The following ZNF676 variants were observed in gnomAD, a reference collection of about 807,000 sequenced individuals.
ZNF676 encodes zinc finger protein 676.
ZNF676 carries 4 observed loss-of-function variants against 6.0 expected under a neutral mutation model. That is an observed-to-expected ratio of 0.67 (90% CI 0.33 to 1.53). The LOEUF is 1.53. Among genes scored for constraint, ZNF676 ranks in the 40% most tolerant of loss-of-function variants. The pLI is 0.06. For synonymous variants in ZNF676, 198 were observed against 223.1 expected (o/e 0.89, Z 1.00); for missense variants, 644 against 679.7 (o/e 0.95, Z 0.58).
intron 1 of ZNF676, among the ~76,000 whole-genome samples, chr19:22,211,419 G>A (rs541490276): frequency 6.6e-6 from 1 of 152,230 alleles, no homozygotes; most frequent in East Asian, 1.9e-4. Flanking sequence ...TTAATTACAT[G>A]TCAGAGTCAT....
chr19:22,210,453 C>T (rs2024117463), intron 1 of ZNF676, among the ~76,000 whole-genome samples: 1 of 151,836 alleles, frequency 6.6e-6, no homozygotes, highest in African/African-American at 2.4e-5. Context: ...ACTCACAGAA[C>T]TCAGCAGAAC....
chr19:22,189,963 C>A (rs146662751), intron 2 of ZNF676, among the ~76,000 whole-genome samples: 1 of 152,042 alleles, frequency 6.6e-6, no homozygotes, highest in Admixed American at 6.6e-5. Context: ...GACAATGTGG[C>A]GATTCCTCAA....
chr19:22,242,474 GC>G, the ZNF676 span, among the ~76,000 whole-genome samples: 1 of 151,946 alleles, frequency 6.6e-6, no homozygotes, highest in Admixed American at 6.6e-5. Context: ...ACATCACAAG[GC>G]CTCCTGTGGA....
At chr19:22,204,184 A>T (rs1163090263) in intron 1 of ZNF676, among the ~76,000 whole-genome samples, 3 of 152,126 alleles carry the variant, frequency 2.0e-5, no homozygotes, top group African/African-American at 7.2e-5. Flanking sequence ...CCTACCTATA[A>T]TTTTTCCTAT....
chr19:22,211,045 A>C (rs1311423353), intron 1 of ZNF676, among the ~76,000 whole-genome samples: 2 of 151,438 alleles, frequency 1.3e-5, no homozygotes, highest in Admixed American at 1.3e-4. Context: ...TATAATCCTT[A>C]AAGATCTTAT....
the ZNF676 span, among the ~76,000 whole-genome samples, chr19:22,239,347 T>A: frequency 6.6e-6 from 1 of 151,858 alleles, no homozygotes; most frequent in South Asian, 2.1e-4. Context: ...GGCTAATTTT[T>A]TTTTGTATTT....
At chr19:22,199,104 C>T (rs1233391648), upstream of ZNF676, among the ~76,000 whole-genome samples, 2 of 151,768 alleles carry the variant, frequency 1.3e-5, no homozygotes, top group Admixed American at 1.3e-4. Context: ...GCTGATAACC[C>T]CTTAACTAAG....
the ZNF676 span, among the ~76,000 whole-genome samples, chr19:22,259,325 C>T: frequency 5.3e-5 from 8 of 152,154 alleles, no homozygotes; most frequent in African/African-American, 1.4e-4. Context: ...CTGTATGTCA[C>T]AACCAGCCCA....
chr19:22,195,644 G>A (rs1358904283), intron 1 of ZNF676, among the ~76,000 whole-genome samples: 1 of 152,168 alleles, frequency 6.6e-6, no homozygotes, highest in African/African-American at 2.4e-5. Context: ...TAAACAAGTG[G>A]CAATGTTGAA....
At chr19:22,191,838 A>C (rs953508632) in intron 2 of ZNF676, among the ~76,000 whole-genome samples, 2 of 152,080 alleles carry the variant, frequency 1.3e-5, no homozygotes, top group African/African-American at 2.4e-5. Flanking sequence ...TGGGGGCCCC[A>C]AAAAAGAAGA....
the ZNF676 span, among the ~76,000 whole-genome samples, chr19:22,255,039 C>T: frequency 6.6e-6 from 1 of 152,176 alleles, no homozygotes; most frequent in South Asian, 2.1e-4. Flanking sequence ...TCAATACCTA[C>T]TGTATGTTGT....
chr19:22,242,723 T>G, the ZNF676 span, among the ~76,000 whole-genome samples: 1 of 151,596 alleles, frequency 6.6e-6, no homozygotes, highest in African/African-American at 2.4e-5. Flanking sequence ...CAGAAAGGAG[T>G]GTAACCTCAC....
At chr19:22,253,400 A>AG in the ZNF676 span, among the ~76,000 whole-genome samples, 1 of 46,724 alleles carries the variant, frequency 2.1e-5, no homozygotes, top group South Asian at 1.1e-3. Context: ...ATATATGATA[A>AG]TGTGTATATA....
chr19:22,209,033 A>C (rs1282692019), intron 1 of ZNF676, among the ~76,000 whole-genome samples: 2 of 152,222 alleles, frequency 1.3e-5, no homozygotes, highest in Non-Finnish European at 2.9e-5. Context: ...TGGGAGGCCA[A>C]GGCGGCAGAT....
chr19:22,228,082 G>A, the ZNF676 span, among the ~76,000 whole-genome samples: 3 of 152,202 alleles, frequency 2.0e-5, no homozygotes, highest in Admixed American at 6.5e-5. Flanking sequence ...TATCCCTGAT[G>A]AACATTGATG....
At chr19:22,246,635 TG>T in the ZNF676 span, among the ~76,000 whole-genome samples, 1 of 152,180 alleles carries the variant, frequency 6.6e-6, no homozygotes, top group African/African-American at 2.4e-5. Context: ...CCAAGTAATA[TG>T]TCACAATCTC....
chr19:22,229,658 G>C, the ZNF676 span, among the ~76,000 whole-genome samples: 15 of 151,346 alleles, frequency 9.9e-5, no homozygotes, highest in African/African-American at 3.4e-4. Context: ...ATTTACAAGA[G>C]AAAAGCAACC....
chr19:22,208,938 C>G (rs2144814521), intron 1 of ZNF676, among the ~76,000 whole-genome samples: 1 of 151,872 alleles, frequency 6.6e-6, no homozygotes, highest in South Asian at 2.1e-4. Flanking sequence ...GAGACCCTGT[C>G]TCCAAAAATA....
At chr19:22,250,641 G>A in the ZNF676 span, among the ~76,000 whole-genome samples, 2 of 151,646 alleles carry the variant, frequency 1.3e-5, no homozygotes, top group African/African-American at 4.8e-5. Flanking sequence ...TTTTGAGATG[G>A]AGATGGCTTC....
Sources: allele counts gnomAD v4.1 joint callset (sites outside exome capture counted in the v4.1 genomes callset), GRCh38; gene constraint gnomAD v4.1.1; transcripts MANE v1.5; gene names NCBI Gene and HGNC (gene_info 2026-07-23, HGNC 2026-07-21).